Variants in KCNN3 observed in about 807,000 individuals in gnomAD.
KCNN3 encodes small conductance calcium-activated potassium channel protein 3.
KCNN3 carries 16 observed loss-of-function variants against 62.9 expected under a neutral mutation model. The ratio of observed to expected loss-of-function variants is 0.25; its 90% CI spans 0.17 to 0.39. KCNN3 has a LOEUF of 0.39. Ranked by LOEUF, KCNN3 falls within the 10% of genes least tolerant of loss-of-function variation. KCNN3 has a pLI of 1.00. For missense variants in KCNN3, 599 were observed against 949.4 expected (o/e 0.63, Z 4.85); for synonymous variants, 370 against 389.2 (o/e 0.95, Z 0.58).
chr1:154,750,503 G>T (rs1490527919), intron 3 of KCNN3, among the ~76,000 whole-genome samples: 3 of 152,112 alleles, frequency 2.0e-5, no homozygotes, highest in African/African-American at 7.2e-5. Flanking sequence ...AGGGAATAGA[G>T]CAAAACCCCC....
chr1:154,726,738 A>G (rs563387074), intron 4 of KCNN3, among the ~76,000 whole-genome samples: 1 of 152,296 alleles, frequency 6.6e-6, no homozygotes, highest in East Asian at 1.9e-4. Flanking sequence ...CAGAGATTTT[A>G]AAGACAACAC....
chr1:154,810,609 A>G (rs1263450359), intron 2 of KCNN3, among the ~76,000 whole-genome samples: 1 of 152,170 alleles, frequency 6.6e-6, no homozygotes, highest in Non-Finnish European at 1.5e-5. Context: ...ACAATAGGGA[A>G]ACCAGGAGAA....
intron 3 of KCNN3, among the ~76,000 whole-genome samples, chr1:154,734,521 A>G (rs1402323812): frequency 6.6e-6 from 1 of 152,196 alleles, no homozygotes; most frequent in African/African-American, 2.4e-5. Context: ...AGGAATCTCC[A>G]TGCCCCCACA....
At chr1:154,758,777 G>A (rs1647858736) in intron 3 of KCNN3, among the ~76,000 whole-genome samples, 1 of 136,926 alleles carries the variant, frequency 7.3e-6, no homozygotes, top group South Asian at 2.4e-4. Context: ...TGTATTAAAT[G>A]GAAGGAGAAC....
At chr1:154,718,969 C>T (rs10128027) in intron 5 of KCNN3, among the ~76,000 whole-genome samples, 95,460 of 152,066 alleles carry the variant, frequency 0.63, 30,829 homozygotes, top group East Asian at 0.79. Flanking sequence ...ACACACACCT[C>T]TTCCTTGAGC....
intron 1 of KCNN3, among the ~76,000 whole-genome samples, chr1:154,861,012 T>A (rs1571347041): frequency 7.1e-6 from 1 of 141,656 alleles, no homozygotes; most frequent in South Asian, 2.4e-4. Flanking sequence ...TGGAGTGCAG[T>A]GGCGCGATCT....
intron 3 of KCNN3, among the ~76,000 whole-genome samples, chr1:154,755,058 C>T (rs926084728): frequency 1.3e-5 from 2 of 152,200 alleles, no homozygotes; most frequent in African/African-American, 4.8e-5. Flanking sequence ...TGTTGCCTGG[C>T]CTGCTGCAGT....
At chr1:154,799,384 A>G (rs1649860785) in intron 2 of KCNN3, among the ~76,000 whole-genome samples, 1 of 152,210 alleles carries the variant, frequency 6.6e-6, no homozygotes, top group Admixed American at 6.5e-5. Flanking sequence ...AGGGCTCAAG[A>G]TCACTGTCAC....
At chr1:154,752,551 T>A (rs576285413) in intron 3 of KCNN3, among the ~76,000 whole-genome samples, 1 of 152,324 alleles carries the variant, frequency 6.6e-6, no homozygotes, top group Non-Finnish European at 1.5e-5. Context: ...AGCCTCCATT[T>A]CCTAATTTCT....
At chr1:154,847,339 C>T (rs965202229) in intron 1 of KCNN3, among the ~76,000 whole-genome samples, 1 of 152,138 alleles carries the variant, frequency 6.6e-6, no homozygotes, top group Non-Finnish European at 1.5e-5. Context: ...GCTGGGCCGG[C>T]ACCCAGCTGG....
intron 2 of KCNN3, among the ~76,000 whole-genome samples, chr1:154,796,489 TGC>T (rs1439656503): frequency 3.9e-5 from 6 of 152,220 alleles, no homozygotes; most frequent in African/African-American, 1.4e-4. Context: ...CATGCTTTCA[TGC>T]ACACAGAGAT....
At chr1:154,815,358 A>G (rs897695177) in intron 2 of KCNN3, among the ~76,000 whole-genome samples, 1 of 152,046 alleles carries the variant, frequency 6.6e-6, no homozygotes, top group African/African-American at 2.4e-5. Context: ...GCTCTGGGCC[A>G]GCTTTGTCCT....
intron 1 of KCNN3, among the ~76,000 whole-genome samples, chr1:154,854,160 G>T (rs549297511): frequency 6.6e-6 from 1 of 152,090 alleles, no homozygotes; most frequent in African/African-American, 2.4e-5. Flanking sequence ...GCGTGAACCC[G>T]GGAGGCGGAG....
At chr1:154,796,187 T>C (rs1034385031) in intron 2 of KCNN3, among the ~76,000 whole-genome samples, 1 of 152,166 alleles carries the variant, frequency 6.6e-6, no homozygotes, top group Admixed American at 6.5e-5. Context: ...GGAAAATACC[T>C]TGGAAGATAT....
At chr1:154,830,574 C>A (rs1206993349) in intron 1 of KCNN3, among the ~76,000 whole-genome samples, 1 of 152,224 alleles carries the variant, frequency 6.6e-6, no homozygotes, top group African/African-American at 2.4e-5. Flanking sequence ...GCAGATAATA[C>A]TTGTGGCGTG....
chr1:154,758,757 C>G (rs1053152542), intron 3 of KCNN3, among the ~76,000 whole-genome samples: 18 of 152,128 alleles, frequency 1.2e-4, no homozygotes, highest in Non-Finnish European at 1.9e-4. Flanking sequence ...TCTCAGGGAA[C>G]AGAGGAGTCT....
intron 1 of KCNN3, 148 bp downstream of exon 1, chr1:154,868,884 C>G: frequency 2.2e-6 from 2 of 894,576 alleles, no homozygotes; most frequent in South Asian, 1.3e-5. Context: ...CTCCCAGTCT[C>G]CCTCCCAATC....
intron 1 of KCNN3, among the ~76,000 whole-genome samples, chr1:154,849,835 G>A (rs1364513004): frequency 6.6e-6 from 1 of 152,160 alleles, no homozygotes; most frequent in African/African-American, 2.4e-5. Flanking sequence ...ATTCTTTGTT[G>A]TAGGGGGCAT....
intron 1 of KCNN3, among the ~76,000 whole-genome samples, chr1:154,846,560 A>G (rs2101917836): frequency 6.6e-6 from 1 of 152,212 alleles, no homozygotes; most frequent in African/African-American, 2.4e-5. Context: ...ATTTTTCTAT[A>G]TCCTCTACAG....
Sources: gnomAD v4.1 joint callset for allele counts (sites outside exome capture counted in the v4.1 genomes callset) on GRCh38, gnomAD v4.1.1 for gene constraint, MANE v1.5 for transcripts, NCBI Gene and HGNC (gene_info 2026-07-23, HGNC 2026-07-21) for gene names.